Variants in EIF2AK3 observed in about 807,000 individuals in gnomAD.
EIF2AK3 encodes eukaryotic translation initiation factor 2 alpha kinase 3, also known as eukaryotic translation initiation factor 2-alpha kinase 3.
A neutral mutation model predicts 113.5 loss-of-function variants in EIF2AK3; 50 were observed. The ratio of observed to expected loss-of-function variants is 0.44; its 90% confidence interval spans 0.35 to 0.56. The LOEUF is 0.56. Ranked by LOEUF, EIF2AK3 falls within the 20% of genes least tolerant of loss-of-function variation. The pLI is 0.00. For missense variants in EIF2AK3, 1,185 were observed against 1,378.0 expected, an observed-to-expected ratio of 0.86 and a Z score of 2.22; for synonymous variants, 448 against 495.4, an observed-to-expected ratio of 0.90 and a Z score of 1.27.
chr2:88,570,016 A>T lies in EIF2AK3; in HGVS notation c.2985+858T>A, dbSNP rs77331990. 0.01 allele frequency among the ~76,000 whole-genome samples: 1,482 copies of T among 145,258 alleles called. 50 individuals are homozygous for T. In the East Asian group the frequency reaches 0.12, roughly 12 times the overall value. On this transcript the variant is annotated intron_variant, in intron 14 of 16. Transcript: ENST00000303236. Reference sequence around the variant, plus strand: ...AAAAATGTAAACAAATGTCACTCTAATTTTTTTTTTTTGCAGGGGAATTGG... The same window carrying T: ...AAAAATGTAAACAAATGTCACTCTATTTTTTTTTTTTTGCAGGGGAATTGG...
intron 3 of EIF2AK3, 140 bp from the exon 4 acceptor site, chr2:88,593,545 A>G: frequency 1.0e-6 from 1 of 967,474 alleles, no homozygotes; most frequent in East Asian, 2.6e-5. Context: ...CATAAGAAGC[A>G]TCAGTTAGAT....
chr2:88,579,418 T>C, intron 11 of EIF2AK3, 100 bp downstream of exon 11: 1 of 1,497,998 alleles, frequency 6.7e-7, no homozygotes, highest in Non-Finnish European at 9.2e-7. Context: ...CTGAAACTGT[T>C]TTCTATGGTG....
chr2:88,583,393 CTTT>C (rs1330976825), intron 10 of EIF2AK3, 34 bp downstream of exon 10: 1 of 1,518,034 alleles, frequency 6.6e-7, no homozygotes, highest in Non-Finnish European at 9.1e-7. Context: ...GTCATTTCTT[CTTT>C]GATTCAGATG....
intron 1 of EIF2AK3, among the ~76,000 whole-genome samples, chr2:88,620,355 A>G (rs535045941): frequency 2.1e-4 from 32 of 152,220 alleles, no homozygotes; most frequent in Admixed American, 2.0e-3. Context: ...CATGTCTTAA[A>G]TTATTCCACC....
At chr2:88,570,744 CT>C in intron 14 of EIF2AK3, 129 bp downstream of exon 14, 1 of 1,157,650 alleles carries the variant, frequency 8.6e-7, no homozygotes, top group South Asian at 1.3e-5. Flanking sequence ...TACTGGAACA[CT>C]ACTGCCAGTT....
intron 12 of EIF2AK3, 22 bp from the exon 13 acceptor site, chr2:88,575,468 AG>A: frequency 6.2e-7 from 1 of 1,601,462 alleles, no homozygotes. Context: ...AGAAATACAA[AG>A]GGGTAAGAGT....
At chr2:88,571,737 G>A (rs1488686242) in intron 13 of EIF2AK3, among the ~76,000 whole-genome samples, 1 of 152,166 alleles carries the variant, frequency 6.6e-6, no homozygotes, top group East Asian at 1.9e-4. Flanking sequence ...TTGCGTCTGA[G>A]GGGGATATAG....
At chr2:88,569,680 A>T (rs1674237013) in intron 14 of EIF2AK3, among the ~76,000 whole-genome samples, 2 of 152,220 alleles carry the variant, frequency 1.3e-5, no homozygotes, top group African/African-American at 2.4e-5. Flanking sequence ...GGGTAAAAAG[A>T]TCCATTCAAA....
chr2:88,601,107 T>A (rs1047629754), intron 2 of EIF2AK3, among the ~76,000 whole-genome samples: 1 of 152,228 alleles, frequency 6.6e-6, no homozygotes, highest in Non-Finnish European at 1.5e-5. Flanking sequence ...TTTCTCCTAT[T>A]ATCTCAAAGA....
intron 2 of EIF2AK3, among the ~76,000 whole-genome samples, chr2:88,597,291 C>A (rs1467790069): frequency 6.6e-6 from 1 of 152,158 alleles, no homozygotes; most frequent in African/African-American, 2.4e-5. Flanking sequence ...AGTTCAAATC[C>A]TGCCTTAACT....
chr2:88,613,868 A>G lies in EIF2AK3; in HGVS notation c.309-15T>C, dbSNP rs1483805079. On this transcript the variant is annotated splice_polypyrimidine_tract_variant and intron_variant, in intron 1 of 16. Transcript: ENST00000303236. ...TTACTAATGACCTGTAAATATTAAA[A>G]ATATTTTTAAAATTAACAGATATCT... The G allele has an allele frequency of 1.9e-6, 3 of 1,597,852 alleles. No individual in the cohort carries two copies. In the East Asian group the frequency reaches 6.9e-5, roughly 37 times the overall value.
rs1165452910 is a variant in EIF2AK3 at position 88,557,880 on chromosome 2, T to C, written c.3207A>G (p.Ile1069Met). The change falls in exon 17 of 17, where the codon ATA becomes ATG. Residue 1069 changes from isoleucine (I) to methionine (M), a missense_variant. By Grantham distance (10) the Ile-to-Met change is conservative (BLOSUM62 1). Around this residue, in one of 3 missense-constraint regions of EIF2AK3, gnomAD observed 877 missense variants for 1,024.2 expected, o/e 0.86. Transcript: ENST00000303236. ...CAAATACAGCATTTTCAATGATGTT[T>C]ATAGCTTCAGGTCGTTCCATGGGGG... Reference protein sequence around the residue: ...SPSPMERPEAINIIENAVFED... With the variant: ...SPSPMERPEAMNIIENAVFED... 6.2e-7 allele frequency: 1 copy of C among 1,614,082 alleles called. No homozygotes were observed. The highest frequency in any genetic ancestry group is 8.5e-7 in the Non-Finnish European group (1 of 1,180,018).
chr2:88,607,472 T>C (rs1675308517), intron 2 of EIF2AK3, among the ~76,000 whole-genome samples: 1 of 152,232 alleles, frequency 6.6e-6, no homozygotes, highest in Non-Finnish European at 1.5e-5. Flanking sequence ...ACATGCACCT[T>C]AACGGTTTTA....
chr2:88,571,326 A>G (rs1233575141), intron 13 of EIF2AK3, among the ~76,000 whole-genome samples: 1 of 152,192 alleles, frequency 6.6e-6, no homozygotes. Context: ...CTTAATCCTC[A>G]ATCTTATTAT....
chr2:88,593,743 T>TA (rs372432648), intron 3 of EIF2AK3, among the ~76,000 whole-genome samples: 264 of 149,988 alleles, frequency 1.8e-3, no homozygotes, highest in South Asian at 7.8e-3. Flanking sequence ...TCAGGTGAGT[T>TA]AAAAAAAAAA....
chr2:88,596,999 C>T (rs1209554887), intron 2 of EIF2AK3, among the ~76,000 whole-genome samples: 1 of 152,162 alleles, frequency 6.6e-6, no homozygotes, highest in Non-Finnish European at 1.5e-5. Flanking sequence ...TCCTGATTAT[C>T]CAGGCTCAAA....
At chr2:88,579,706 C>T in intron 10 of EIF2AK3, 66 bp from the exon 11 acceptor site, 3 of 1,463,946 alleles carry the variant, frequency 2.0e-6, no homozygotes, top group Non-Finnish European at 2.8e-6. Context: ...ATGTGAAAAT[C>T]AGTTCAATCT....
intron 2 of EIF2AK3, among the ~76,000 whole-genome samples, chr2:88,605,155 G>A (rs1416572727): frequency 1.3e-5 from 2 of 152,258 alleles, no homozygotes; most frequent in Admixed American, 6.5e-5. Flanking sequence ...AAGGTAATTT[G>A]TATGTGTTTA....
chr2:88,620,942 A>C (rs1675704509), intron 1 of EIF2AK3, among the ~76,000 whole-genome samples: 1 of 152,232 alleles, frequency 6.6e-6, no homozygotes, highest in Admixed American at 6.5e-5. Context: ...CCTTGGTAGG[A>C]CAAACATATT....
Sources: gnomAD v4.1 joint callset for allele counts (sites outside exome capture counted in the v4.1 genomes callset) on GRCh38, gnomAD v4.1.1 for gene constraint, gnomAD v4.1.1 regional missense constraint, MANE v1.5 for transcripts, NCBI Gene and HGNC (gene_info 2026-07-23, HGNC 2026-07-21) for gene names.